The following TAFA2 variants were observed in gnomAD, a reference collection of about 807,000 sequenced individuals.
TAFA2 encodes the protein chemokine-like protein TAFA-2.
Under a neutral mutation model 18.8 loss-of-function variants are expected in TAFA2, and 7 were observed. That is an observed-to-expected ratio of 0.37 (90% CI 0.21 to 0.70). The LOEUF is 0.70. TAFA2 is among the 30% of genes least tolerant of loss of function. The probability of loss-of-function intolerance (pLI) is 0.53; values close to 1 mark genes in which losing one functional copy is unlikely to be tolerated. For missense variants in TAFA2, 122 were observed against 158.1 expected, an observed-to-expected ratio of 0.77 and a Z score of 1.23; for synonymous variants, 60 against 54.2, an observed-to-expected ratio of 1.11 and a Z score of -0.47.
At chr12:61,751,372 T>A (rs1869006557) in intron 4 of TAFA2, among the ~76,000 whole-genome samples, 1 of 152,014 alleles carries the variant, frequency 6.6e-6, no homozygotes, top group Admixed American at 6.6e-5. Context: ...TCTAAGTAGC[T>A]CCATTTTCAC....
chr12:61,867,365 C>T lies in TAFA2; in HGVS notation c.61G>A (p.Val21Ile), dbSNP rs201610781. 25 of 1,608,916 alleles carry T rather than the reference C, an allele frequency of 1.6e-5. No homozygotes were observed. Among genetic ancestry groups the T allele is most frequent in the South Asian group, 2.2e-5 (2 of 90,780 alleles). The change falls in exon 2 of 5, where the codon GTA becomes ATA. Residue 21 changes from valine to isoleucine, a missense_variant. By Grantham distance (29) the Val-to-Ile change is conservative (BLOSUM62 3). Transcript: ENST00000416284. ...KGKLLIIIFI[V>I]TLWGKVVSSA... ...GATACAACTTTCCCCCACAAGGTTA[C>T]AATAAATATTATTATTAGCAGTTTT...
At chr12:62,038,674 C>T (rs1881675895) in intron 1 of TAFA2, among the ~76,000 whole-genome samples, 1 of 151,940 alleles carries the variant, frequency 6.6e-6, no homozygotes, top group African/African-American at 2.4e-5. Context: ...TAAAGAAAAA[C>T]CCCTAGACAT....
chr12:61,924,860 A>G (rs1392908298), intron 1 of TAFA2, among the ~76,000 whole-genome samples: 1 of 152,226 alleles, frequency 6.6e-6, no homozygotes, highest in Non-Finnish European at 1.5e-5. Flanking sequence ...ATGCAAAGAC[A>G]CACATAGGCT....
chr12:62,167,461 T>A (rs867628792), intron 1 of TAFA2, among the ~76,000 whole-genome samples: 9 of 152,302 alleles, frequency 5.9e-5, no homozygotes, highest in Admixed American at 2.0e-4. Context: ...GAGACTGTTG[T>A]ATGTACATTG....
chr12:62,034,710 G>A (rs1203902095), intron 1 of TAFA2, among the ~76,000 whole-genome samples: 3 of 151,892 alleles, frequency 2.0e-5, no homozygotes, highest in Non-Finnish European at 4.4e-5. Context: ...TTTCTCCATA[G>A]TCAATAATAT....
At chr12:61,927,798 G>A (rs543292214) in intron 1 of TAFA2, among the ~76,000 whole-genome samples, 16 of 152,120 alleles carry the variant, frequency 1.1e-4, no homozygotes, top group Non-Finnish European at 1.9e-4. Flanking sequence ...GCATAGTACT[G>A]GTACCAAAAC....
chr12:61,975,278 C>T (rs940848420), intron 1 of TAFA2, among the ~76,000 whole-genome samples: 2 of 151,404 alleles, frequency 1.3e-5, no homozygotes, highest in Non-Finnish European at 3.0e-5. Flanking sequence ...AACTTTGTAC[C>T]CTTTGACCTA....
chr12:62,132,827 A>G (rs761900010), intron 1 of TAFA2, among the ~76,000 whole-genome samples: 1 of 151,990 alleles, frequency 6.6e-6, no homozygotes, highest in Non-Finnish European at 1.5e-5. Context: ...ATATTATTAC[A>G]ATACATCCAT....
intron 4 of TAFA2, among the ~76,000 whole-genome samples, chr12:61,721,194 C>G (rs1437961902): frequency 1.3e-5 from 2 of 151,798 alleles, no homozygotes; most frequent in Admixed American, 6.6e-5. Context: ...AAAAAAAGGA[C>G]AGTAAGCATT....
rs114593507 is a variant in TAFA2, at chr12:62,011,898, G to T, written c.-1-144472C>A. 7.7e-3 allele frequency among the ~76,000 whole-genome samples: 1,175 copies of T among 152,278 alleles called. 15 individuals carry two copies. The highest frequency in any genetic ancestry group is 0.027 in the African/African-American group (1,123 of 41,542). ...TCATCTGTAAAATAGAGCTAAAGCT[G>T]ACTTCACATTTGTAAAATATTTGGT... On this transcript the variant is annotated intron_variant, in intron 1 of 4. Coordinates refer to ENST00000416284, the MANE Select transcript of TAFA2 (RefSeq NM_178539.5).
chr12:62,145,364 G>A (rs1054730102), intron 1 of TAFA2, among the ~76,000 whole-genome samples: 1 of 152,218 alleles, frequency 6.6e-6, no homozygotes, highest in Non-Finnish European at 1.5e-5. Flanking sequence ...GCGCATGCAA[G>A]GAATCCGGGA....
chr12:62,063,003 G>A (rs532265588), intron 1 of TAFA2, among the ~76,000 whole-genome samples: 3 of 152,064 alleles, frequency 2.0e-5, no homozygotes, highest in South Asian at 4.2e-4. Context: ...AAGGTTCACT[G>A]CTTTGATGGA....
intron 1 of TAFA2, among the ~76,000 whole-genome samples, chr12:62,102,432 ACT>A (rs1468615673): frequency 6.6e-6 from 1 of 152,196 alleles, no homozygotes; most frequent in Admixed American, 6.5e-5. Context: ...TCAAGTTAAT[ACT>A]CTCTGAAAAT....
chr12:62,033,734 T>C (rs1305015837), intron 1 of TAFA2, among the ~76,000 whole-genome samples: 1 of 152,002 alleles, frequency 6.6e-6, no homozygotes, highest in African/African-American at 2.4e-5. Flanking sequence ...TACTCATATA[T>C]GAGTGTTCAG....
intron 1 of TAFA2, among the ~76,000 whole-genome samples, chr12:62,129,791 TC>T (rs2136892059): frequency 6.6e-6 from 1 of 152,000 alleles, no homozygotes; most frequent in Non-Finnish European, 1.5e-5. Flanking sequence ...CTTCCTTTCA[TC>T]CCCAGGACAG....
intron 1 of TAFA2, among the ~76,000 whole-genome samples, chr12:61,937,935 G>A (rs1037649626): frequency 6.6e-6 from 1 of 151,682 alleles, no homozygotes; most frequent in African/African-American, 2.4e-5. Flanking sequence ...AATCTACAAG[G>A]AACTCAAACA....
At chr12:61,901,557 CA>C (rs949099100) in intron 1 of TAFA2, among the ~76,000 whole-genome samples, 15 of 150,016 alleles carry the variant, frequency 1.0e-4, no homozygotes, top group African/African-American at 2.2e-4. Context: ...ACTTCTATAA[CA>C]AAAAAAAAGA....
chr12:62,099,530 G>A (rs985070175), intron 1 of TAFA2, among the ~76,000 whole-genome samples: 1 of 152,154 alleles, frequency 6.6e-6, no homozygotes, highest in Non-Finnish European at 1.5e-5. Context: ...AACATTCAAA[G>A]TTTATAATTA....
chr12:62,129,657 G>T (rs185473400), intron 1 of TAFA2, among the ~76,000 whole-genome samples: 7 of 152,078 alleles, frequency 4.6e-5, no homozygotes, highest in Admixed American at 1.3e-4. Context: ...GCAGGGTAGG[G>T]TCTCTCAAAT....
Sources: gnomAD v4.1 joint callset for allele counts (sites outside exome capture counted in the v4.1 genomes callset) on GRCh38, gnomAD v4.1.1 for gene constraint, MANE v1.5 for transcripts, NCBI Gene and HGNC (gene_info 2026-07-23, HGNC 2026-07-21) for gene names.